The following SCN9A variants were observed in gnomAD, a reference collection of about 807,000 sequenced individuals.
SCN9A encodes sodium voltage-gated channel alpha subunit 9, also known as sodium channel protein type 9 subunit alpha.
A neutral mutation model predicts 187.0 loss-of-function variants in SCN9A; 131 were observed. The ratio of observed to expected loss-of-function variants is 0.70; its 90% CI spans 0.61 to 0.81. SCN9A has a LOEUF of 0.81. Ranked by LOEUF, SCN9A falls within the 30% of genes least tolerant of loss-of-function variation. The pLI, the probability that SCN9A is intolerant of heterozygous loss-of-function variation, is 0.00. For synonymous variants in SCN9A, 809 were observed against 808.6 expected (o/e 1.00, Z -0.01); for missense variants, 2,252 against 2,396.6 (o/e 0.94, Z 1.26).
intron 21 of SCN9A, 114 bp from the exon 22 acceptor site, chr2:166,229,086 TAA>T (rs1195278646): frequency 3.9e-5 from 32 of 818,490 alleles, no homozygotes; most frequent in Non-Finnish European, 5.3e-5. Flanking sequence ...CTTAAATATC[TAA>T]GACATCAAAC....
At chr2:166,294,077 T>C (rs1378318403) in intron 8 of SCN9A, among the ~76,000 whole-genome samples, 1 of 152,132 alleles carries the variant, frequency 6.6e-6, no homozygotes, top group African/African-American at 2.4e-5. Context: ...GAAGTTGGTG[T>C]AAGAGAGAAG....
chr2:166,272,607 T>G lies in SCN9A; in HGVS notation c.3143A>C (p.Lys1048Thr), dbSNP rs1558998703. 1 of 1,613,496 alleles carries G rather than the reference T, an allele frequency of 6.2e-7. No homozygotes were observed. Among genetic ancestry groups the G allele is most frequent in the Non-Finnish European group, 8.5e-7 (1 of 1,179,734 alleles). ...TTTTTCCTTGAGGAAATTGTGACCT[T>G]TGCTCATTTCAGCAAGTGTATGGTT... Reference protein sequence around the residue: ...ISNHTLAEMSKGHNFLKEKDK... With the variant: ...ISNHTLAEMSTGHNFLKEKDK... Residue 1048 changes from lysine (K) to threonine (T), a missense_variant, in exon 17 of 27, where the codon AAA (lysine) becomes ACA (threonine). Transcript: ENST00000642356.
chr2:166,304,570 T>A (rs953918363), intron 5 of SCN9A, among the ~76,000 whole-genome samples: 2 of 152,152 alleles, frequency 1.3e-5, no homozygotes, highest in East Asian at 3.8e-4. Flanking sequence ...CGTAAACAAC[T>A]AAATGTTTCA....
intron 24 of SCN9A, among the ~76,000 whole-genome samples, chr2:166,222,703 C>T (rs1328347802): frequency 2.0e-4 from 29 of 147,326 alleles, no homozygotes; most frequent in Admixed American, 1.2e-3. Context: ...GAGGCCGAGA[C>T]GGGCGGATCA....
chr2:166,336,364 G>A (rs958758354), intron 1 of SCN9A, among the ~76,000 whole-genome samples: 1 of 152,030 alleles, frequency 6.6e-6, no homozygotes, highest in Admixed American at 6.6e-5. Context: ...GCCAATAAAG[G>A]GTGCAGGACA....
At chr2:166,242,108 G>T (rs2106409766) in intron 19 of SCN9A, among the ~76,000 whole-genome samples, 1 of 152,086 alleles carries the variant, frequency 6.6e-6, no homozygotes, top group East Asian at 1.9e-4. Flanking sequence ...TCCTTACTAG[G>T]GCCAATGAAC....
chr2:166,302,033 A>C (rs781584972), intron 7 of SCN9A: 10 of 151,016 alleles, frequency 6.6e-5, no homozygotes, highest in Non-Finnish European at 1.0e-4. Flanking sequence ...GAAAGGACAC[A>C]TTTGGTAAAA....
intron 16 of SCN9A, among the ~76,000 whole-genome samples, chr2:166,274,335 T>C (rs1047982608): frequency 6.6e-5 from 10 of 152,108 alleles, no homozygotes; most frequent in Non-Finnish European, 4.4e-5. Context: ...GAAGAAATAT[T>C]AATAAAATGT....
chr2:166,297,459 A>T (rs1471963523), intron 7 of SCN9A, among the ~76,000 whole-genome samples: 3 of 152,132 alleles, frequency 2.0e-5, no homozygotes, highest in Non-Finnish European at 4.4e-5. Flanking sequence ...GATACATACT[A>T]TACCATGGAT....
At position 166,228,680 on chromosome 2, in the gene SCN9A, G is replaced by A. The variant is rs1694951351; in HGVS notation, c.4206+11C>T. 2 of 1,599,754 alleles carry A rather than the reference G, an allele frequency of 1.3e-6. No homozygotes were observed. Among genetic ancestry groups the A allele is most frequent in the Admixed American group, 3.4e-5 (2 of 59,388 alleles). ...TTAAAATACCAAGCACTCATGAAAT[G>A]GGACACTTACAACTTGAAGCAGAGA... On this transcript the variant is annotated intron_variant, in intron 22 of 26. Coordinates refer to ENST00000642356, the MANE Select transcript of SCN9A (RefSeq NM_001365536.1).
At chr2:166,259,379 C>T (rs1025368424) in intron 17 of SCN9A, 1 of 151,596 alleles carries the variant, frequency 6.6e-6, no homozygotes, top group African/African-American at 2.4e-5. Context: ...AAGTCATATA[C>T]CTGTAAGTAG....
At chr2:166,241,246 C>A (rs1695553543) in intron 19 of SCN9A, among the ~76,000 whole-genome samples, 1 of 152,072 alleles carries the variant, frequency 6.6e-6, no homozygotes, top group African/African-American at 2.4e-5. Context: ...CTAGCTAGAT[C>A]TGGGCTCCTA....
chr2:166,340,158 A>G (rs900722812), intron 1 of SCN9A, among the ~76,000 whole-genome samples: 7 of 152,212 alleles, frequency 4.6e-5, no homozygotes, highest in African/African-American at 1.7e-4. Context: ...AGCCTCAAAT[A>G]ACACATCTTG....
intron 16 of SCN9A, among the ~76,000 whole-genome samples, chr2:166,273,458 C>T (rs927796903): frequency 6.6e-6 from 1 of 151,956 alleles, no homozygotes. Context: ...ACTTTTAAAG[C>T]ACAGAAAAGG....
chr2:166,245,594 T>C (rs977229684), intron 18 of SCN9A, among the ~76,000 whole-genome samples: 1 of 151,956 alleles, frequency 6.6e-6, no homozygotes, highest in African/African-American at 2.4e-5. Flanking sequence ...CAACTAGAAT[T>C]ACTCTGAAGA....
intron 22 of SCN9A, among the ~76,000 whole-genome samples, chr2:166,228,097 T>A (rs1694916245): frequency 6.6e-6 from 1 of 151,978 alleles, no homozygotes; most frequent in South Asian, 2.1e-4. Context: ...AAGCAGGAAG[T>A]TCAAAAACGT....
Position 166,198,759 on chromosome 2 carries a change from A to C in SCN9A, c.5880T>G (p.Ser1960Arg), listed in dbSNP as rs773385236. The stretch of plus-strand genomic sequence containing the variant: ...ATTTCTCTTTGTCTGGCTTTGTTAC[A>C]CTATCATATGAAGGTGGAGAGGTGG... ...SSTTSPPSYD[S>R]VTKPDKEKYE... The change falls in exon 27 of 27, where the codon AGT (serine) becomes AGG (arginine). Residue 1960 changes from serine (S) to arginine (R), a missense_variant. Ser to Arg is a moderately radical substitution (Grantham distance 110, BLOSUM62 -1). Around this residue, in one of 7 missense-constraint regions of SCN9A, gnomAD observed 345 missense variants for 344.6 expected, o/e 1.00. Transcript: ENST00000642356. The C allele has an allele frequency of 6.2e-7, 1 of 1,613,404 alleles. No homozygotes were observed. The highest frequency in any genetic ancestry group is 2.2e-5 in the East Asian group (1 of 44,854).
At chr2:166,202,522 G>C (rs936618028) in intron 26 of SCN9A, among the ~76,000 whole-genome samples, 1 of 151,416 alleles carries the variant, frequency 6.6e-6, no homozygotes, top group African/African-American at 2.4e-5. Context: ...TATTGTTTTT[G>C]TCTATTTATT....
At chr2:166,248,410 A>G (rs1414083054) in intron 18 of SCN9A, 1 of 152,188 alleles carries the variant, frequency 6.6e-6, no homozygotes, top group Non-Finnish European at 1.5e-5. Context: ...TCTAACTTCA[A>G]AATATACTCA....
Sources: allele counts gnomAD v4.1 joint callset (sites outside exome capture counted in the v4.1 genomes callset), GRCh38; gene constraint gnomAD v4.1.1; regional missense constraint gnomAD v4.1.1; transcripts MANE v1.5; gene names NCBI Gene and HGNC (gene_info 2026-07-23, HGNC 2026-07-21).